TENM2: variants seen among roughly 807,000 people sequenced by gnomAD.
TENM2 encodes the protein teneurin transmembrane protein 2.
TENM2 carries 52 observed loss-of-function variants against 245.2 expected under a neutral mutation model. That is an observed-to-expected ratio of 0.21 (90% CI 0.17 to 0.27). The LOEUF (loss-of-function observed/expected upper bound fraction) is 0.27, where lower values mean the gene tolerates loss of function less well. Among genes scored for constraint, TENM2 ranks in the 10% least tolerant of loss-of-function variants. The probability of loss-of-function intolerance (pLI) is 1.00; values close to 1 mark genes in which losing one functional copy is unlikely to be tolerated. For missense variants in TENM2, 3,046 were observed against 3,666.8 expected (o/e 0.83, Z 4.37); for synonymous variants, 1,363 against 1,438.9 (o/e 0.95, Z 1.19).
intron 2 of TENM2, among the ~76,000 whole-genome samples, chr5:167,652,841 T>C (rs1754568672): frequency 6.6e-6 from 1 of 152,228 alleles, no homozygotes; most frequent in Admixed American, 6.5e-5. Flanking sequence ...CTTTCGCTTT[T>C]ATTACAGGTT....
At chr5:167,133,485 A>G in the TENM2 span, among the ~76,000 whole-genome samples, 1 of 152,200 alleles carries the variant, frequency 6.6e-6, no homozygotes, top group Non-Finnish European at 1.5e-5. Flanking sequence ...TTGCTTCCAA[A>G]AGCAGAAACT....
At chr5:168,260,486 C>T in intron 28 of TENM2, 73 bp downstream of exon 30, 1 of 1,558,262 alleles carries the variant, frequency 6.4e-7, no homozygotes, top group South Asian at 1.1e-5. Flanking sequence ...CTCATGGGAG[C>T]CAGGGGCATG....
In TENM2 at chr5:167,726,510, G is replaced by A. The variant is rs1292135048; in HGVS notation, c.503-149476G>A. On this transcript the variant is annotated intron_variant, in intron 2 of 28. Coordinates refer to ENST00000518659, the Ensembl canonical transcript of TENM2. ...GGTCTTACTCTGTGGCCAGGCTAGAGTGCAGTGGCATGATCATTGCTCACT... is the reference window on the plus strand; with the variant it reads ...GGTCTTACTCTGTGGCCAGGCTAGAATGCAGTGGCATGATCATTGCTCACT... Among the ~76,000 whole-genome samples, 4 of 152,274 alleles carry A rather than the reference G, an allele frequency of 2.6e-5. 1 individual carries two copies. Among genetic ancestry groups the A allele is most frequent in the African/African-American group, 9.6e-5 (4 of 41,560 alleles).
intron 2 of TENM2, among the ~76,000 whole-genome samples, chr5:167,757,886 TAGA>T (rs1382258843): frequency 1.3e-5 from 2 of 152,230 alleles, no homozygotes; most frequent in African/African-American, 4.8e-5. Context: ...GGTTTCACAT[TAGA>T]AGAATTCTTT....
At chr5:167,423,936 A>G (rs558763021) in intron 2 of TENM2, among the ~76,000 whole-genome samples, 2 of 152,164 alleles carry the variant, frequency 1.3e-5, no homozygotes, top group Non-Finnish European at 2.9e-5. Context: ...GTCCTGCGCT[A>G]ATGGTAGCTG....
chr5:167,417,641 C>T (rs558279271), intron 2 of TENM2, among the ~76,000 whole-genome samples: 9 of 152,252 alleles, frequency 5.9e-5, no homozygotes, highest in Non-Finnish European at 1.0e-4. Context: ...AGCATCATGG[C>T]ATTCCTACGT....
intron 2 of TENM2, among the ~76,000 whole-genome samples, chr5:167,586,927 A>T (rs1775540199): frequency 1.3e-5 from 2 of 152,194 alleles, no homozygotes. Flanking sequence ...AAGTGCATGT[A>T]AGTTTGTTAA....
At chr5:167,326,342 T>C (rs1757075229) in intron 1 of TENM2, among the ~76,000 whole-genome samples, 1 of 152,014 alleles carries the variant, frequency 6.6e-6, no homozygotes, top group South Asian at 2.1e-4. Flanking sequence ...TTTCTGGAAA[T>C]GGCCAAAAAT....
chr5:168,018,483 C>T (rs1785857773), intron 5 of TENM2, among the ~76,000 whole-genome samples: 1 of 149,446 alleles, frequency 6.7e-6, no homozygotes, highest in Admixed American at 6.7e-5. Flanking sequence ...CTTCTTGGGT[C>T]TCTTTTGTTG....
At chr5:167,224,376 G>A in the TENM2 span, among the ~76,000 whole-genome samples, 1 of 152,002 alleles carries the variant, frequency 6.6e-6, no homozygotes, top group Non-Finnish European at 1.5e-5. Flanking sequence ...CGGGGTGAGA[G>A]ATAGGTGTTG....
intron 2 of TENM2, among the ~76,000 whole-genome samples, chr5:167,536,686 A>T: frequency 6.6e-6 from 1 of 152,118 alleles, no homozygotes; most frequent in Middle Eastern, 3.2e-3. Flanking sequence ...AAGGCCTCAG[A>T]CTTACGGTTG....
chr5:167,686,822 C>T (rs2150392893), intron 2 of TENM2, among the ~76,000 whole-genome samples: 1 of 152,234 alleles, frequency 6.6e-6, no homozygotes, highest in Non-Finnish European at 1.5e-5. Flanking sequence ...GTTCCCTCAG[C>T]TTAGGAGCCC....
At chr5:167,214,062 G>T in the TENM2 span, among the ~76,000 whole-genome samples, 1 of 152,164 alleles carries the variant, frequency 6.6e-6, no homozygotes, top group East Asian at 1.9e-4. Flanking sequence ...AACATGGGAA[G>T]AAAAATTTGT....
chr5:167,161,724 C>G, the TENM2 span, among the ~76,000 whole-genome samples: 2 of 152,160 alleles, frequency 1.3e-5, no homozygotes, highest in Non-Finnish European at 1.5e-5. Context: ...ACACCTTAAT[C>G]TTGTTAAATT....
chr5:168,154,657 A>T (rs577443778), intron 12 of TENM2, among the ~76,000 whole-genome samples: 19 of 152,326 alleles, frequency 1.2e-4, no homozygotes, highest in African/African-American at 4.1e-4. Flanking sequence ...GATCAGTGAG[A>T]ATCCAGGTGC....
intron 5 of TENM2, among the ~76,000 whole-genome samples, chr5:168,044,705 C>T (rs1281944198): frequency 6.6e-6 from 1 of 152,046 alleles, no homozygotes; most frequent in Non-Finnish European, 1.5e-5. Context: ...TACAGGGAAA[C>T]CTTTATGAAA....
rs959085301 is a variant in TENM2, at chr5:167,945,961, T to C, written c.713-6627T>C. On this transcript the variant is annotated intron_variant, in intron 3 of 28. Coordinates refer to ENST00000518659, the Ensembl canonical transcript of TENM2. ...TTCTTGTTTCTCCTCCACTCTGAAA[T>C]GTGGAAAAGCTGCAGCTGCAGCTTG... is the stretch of plus-strand genomic sequence containing the variant. Among the ~76,000 whole-genome samples the C allele has an allele frequency of 3.9e-5, 6 of 152,158 alleles. No homozygotes were observed. The South Asian group carries it at 6.2e-4, about 16-fold the overall frequency.
intron 2 of TENM2, among the ~76,000 whole-genome samples, chr5:167,420,054 A>G (rs544362783): frequency 2.0e-5 from 3 of 152,320 alleles, no homozygotes; most frequent in Admixed American, 1.3e-4. Context: ...CAAAAGGAAA[A>G]GATGTAGGTA....
At chr5:167,525,407 C>T (rs939071492) in intron 2 of TENM2, among the ~76,000 whole-genome samples, 32 of 152,056 alleles carry the variant, frequency 2.1e-4, no homozygotes, top group African/African-American at 7.2e-4. Flanking sequence ...GGTCTTGAGG[C>T]TCCACGTACC....
Sources: gnomAD v4.1 joint callset for allele counts (sites outside exome capture counted in the v4.1 genomes callset) on GRCh38, gnomAD v4.1.1 for gene constraint, MANE v1.5 for transcripts, NCBI Gene and HGNC (gene_info 2026-07-23, HGNC 2026-07-21) for gene names.